RNF169: variants seen among roughly 807,000 people sequenced by gnomAD.
The protein encoded by RNF169 is ring finger protein 169.
Under a neutral mutation model 53.9 loss-of-function variants are expected in RNF169, and 24 were observed. The observed-to-expected ratio is 0.45, with a 90% CI of 0.32 to 0.63. The LOEUF is 0.63. RNF169 is among the 20% of genes least tolerant of loss of function. The pLI is 0.04. For missense variants in RNF169, 883 were observed against 906.2 expected, an observed-to-expected ratio of 0.97 and a Z score of 0.33; for synonymous variants, 396 against 363.5, an observed-to-expected ratio of 1.09 and a Z score of -1.02.
At chr11:74,753,197 A>G (rs1346103453) in intron 1 of RNF169, among the ~76,000 whole-genome samples, 2 of 152,058 alleles carry the variant, frequency 1.3e-5, no homozygotes, top group African/African-American at 4.8e-5. Flanking sequence ...CAAACTCCTG[A>G]TCTCAGGTGA....
In RNF169 at chr11:74,837,765, A is replaced by G. The variant is rs1167967054; in HGVS notation, c.*1035A>G. On this transcript the variant is annotated 3_prime_UTR_variant, in exon 6 of 6. Coordinates refer to ENST00000299563, the MANE Select transcript of RNF169 (RefSeq NM_001098638.2). ...GCAAGGAACAATACTTAAACTCCAT[A>G]CTATGGAAACAAGGTATCTAGCTGG... The G allele has an allele frequency of 1.3e-5, 2 of 152,222 alleles. No homozygotes were observed. Among genetic ancestry groups the G allele is most frequent in the African/African-American group, 2.4e-5 (1 of 41,456 alleles). The allele number at this position is 152,222 out of a possible 1,614,324, so 9.4% of individuals were successfully genotyped here. A position where few individuals can be genotyped will look rare whatever the true frequency, so the allele number is the denominator to read the frequency against.
intron 1 of RNF169, among the ~76,000 whole-genome samples, chr11:74,765,212 G>A (rs945049525): frequency 6.6e-6 from 1 of 152,142 alleles, no homozygotes; most frequent in Non-Finnish European, 1.5e-5. Context: ...CTGTCTCAAC[G>A]AATGGGGTTA....
chr11:74,810,726 AC>A (rs368813557), intron 3 of RNF169, among the ~76,000 whole-genome samples: 5 of 152,176 alleles, frequency 3.3e-5, no homozygotes, highest in African/African-American at 1.2e-4. Flanking sequence ...TTGTTGTAAT[AC>A]CCTAAGCAGC....
At chr11:74,761,804 G>C (rs1356612828) in intron 1 of RNF169, among the ~76,000 whole-genome samples, 1 of 146,646 alleles carries the variant, frequency 6.8e-6, no homozygotes, top group East Asian at 2.1e-4. Context: ...TTCTCGAGGA[G>C]TATCTTTGTG....
rs1177551248 is a variant in RNF169 at position 74,837,348 on chromosome 11, G to T, written c.*618G>T. ...CCTTATTAATTTAGTCTTTCCAAGA[G>T]ACCTCTCATGTAACTGGCATTAGCC... On this transcript the variant is annotated 3_prime_UTR_variant, in exon 6 of 6. Coordinates refer to ENST00000299563, the MANE Select transcript of RNF169 (RefSeq NM_001098638.2). The T allele has an allele frequency of 6.6e-6, 1 of 152,224 alleles. No individual in the cohort carries two copies. The highest frequency in any genetic ancestry group is 6.5e-5 in the Admixed American group (1 of 15,276). The allele number at this position is 152,224 out of a possible 1,614,324, so 9.4% of individuals were successfully genotyped here.
chr11:74,806,753 G>A lies in RNF169; in HGVS notation c.577-3431G>A, dbSNP rs909221730. On this transcript the variant is annotated intron_variant, in intron 2 of 5. Transcript: ENST00000299563. ...GAAATAGGTAAAATGATTTTTTTTGGTGTTAGAAGCCAGGATCATGGTTTC... is the reference window on the plus strand; with the variant it reads ...GAAATAGGTAAAATGATTTTTTTTGATGTTAGAAGCCAGGATCATGGTTTC... Among the ~76,000 whole-genome samples the A allele has an allele frequency of 4.2e-4, 64 of 151,422 alleles. 2 individuals carry two copies. The highest frequency in any genetic ancestry group is 1.2e-4 in the Non-Finnish European group (8 of 67,944).
At chr11:74,800,219 G>A (rs1482025431) in intron 2 of RNF169, among the ~76,000 whole-genome samples, 5 of 151,974 alleles carry the variant, frequency 3.3e-5, no homozygotes, top group Admixed American at 6.6e-5. Context: ...TCTGCTTTCA[G>A]TGATGATTGT....
chr11:74,836,060 G>A lies in RNF169; in HGVS notation c.1457G>A (p.Gly486Asp). ...PLVAVNTRLSGGQVLSEYTGP... is the reference protein window; with the variant it reads ...PLVAVNTRLSDGQVLSEYTGP... ...GTGGCTGTAAATACAAGATTATCTG[G>A]TGGGCAGGTCCTCTCTGAGTATACT... The change falls in exon 6 of 6, where the codon GGT becomes GAT. Residue 486 changes from glycine (G) to aspartate (D), a missense_variant. Coordinates refer to ENST00000299563, the MANE Select transcript of RNF169 (RefSeq NM_001098638.2). The A allele has an allele frequency of 6.2e-7, 1 of 1,614,178 alleles. No homozygotes were observed. The highest frequency in any genetic ancestry group is 8.5e-7 in the Non-Finnish European group (1 of 1,180,044).
chr11:74,819,068 G>GTTT (rs796433705), intron 4 of RNF169, among the ~76,000 whole-genome samples: 1 of 141,546 alleles, frequency 7.1e-6, no homozygotes, highest in Admixed American at 7.0e-5. Context: ...CTTCTTTCCA[G>GTTT]TTTTTTTTTT....
At position 74,839,157 on chromosome 11, in the gene RNF169, C is replaced by T. The variant is rs1320160827; in HGVS notation, c.*2427C>T. ...CCAAACTCTAGGTCCAGCTTACTGC[C>T]TTCCCCCCTTGTACCTACAGTGATG... On this transcript the variant is annotated 3_prime_UTR_variant, in exon 6 of 6. Coordinates refer to ENST00000299563, the MANE Select transcript of RNF169 (RefSeq NM_001098638.2). The T allele has an allele frequency of 6.6e-6, 1 of 152,178 alleles. No individual in the cohort carries two copies. Among genetic ancestry groups the T allele is most frequent in the Non-Finnish European group, 1.5e-5 (1 of 68,034 alleles). The allele number at this position is 152,178 out of a possible 1,614,324, so 9.4% of individuals were successfully genotyped here. A position where few individuals can be genotyped will look rare whatever the true frequency, so the allele number is the denominator to read the frequency against.
At chr11:74,824,844 A>G (rs2036069903) in intron 4 of RNF169, among the ~76,000 whole-genome samples, 1 of 152,258 alleles carries the variant, frequency 6.6e-6, no homozygotes, top group African/African-American at 2.4e-5. Flanking sequence ...AGACCTAGAA[A>G]ATAGCAGAAG....
chr11:74,762,439 C>A (rs970195653), intron 1 of RNF169, among the ~76,000 whole-genome samples: 2 of 152,164 alleles, frequency 1.3e-5, no homozygotes, highest in African/African-American at 4.8e-5. Context: ...GTGGTTTTAT[C>A]TACTTTTGGT....
In RNF169 at chr11:74,749,235, C is replaced by T; in HGVS notation, c.355C>T (p.Arg119Cys). 2 of 1,079,742 alleles carry T rather than the reference C, an allele frequency of 1.9e-6. No homozygotes were observed. Among genetic ancestry groups the T allele is most frequent in the Non-Finnish European group, 2.2e-6 (2 of 893,042 alleles). 66.9% of individuals were successfully genotyped at this position (1,079,742 alleles called of 1,614,324 possible). A position where few individuals can be genotyped will look rare whatever the true frequency, so the allele number is the denominator to read the frequency against. ...CCCAGGCTGGGCCCGCCGTCGGGCCCGCGACGACGGCCAGGCCGACTCAGA... is the reference window on the plus strand; with the variant it reads ...CCCAGGCTGGGCCCGCCGTCGGGCCTGCGACGACGGCCAGGCCGACTCAGA... The part of the protein sequence containing the change: ...RGPGWARRRA[R>C]DDGQADSEVL... The change falls in exon 1 of 6, where the codon CGC becomes TGC. Residue 119 changes from arginine to cysteine, a missense_variant. Around this residue, in one of 3 missense-constraint regions of RNF169, gnomAD observed 313 missense variants for 279.9 expected, o/e 1.12. Transcript: ENST00000299563.
chr11:74,835,953 C>T lies in RNF169; in HGVS notation c.1350C>T (p.Ala450=). The change falls in exon 6 of 6, where the codon GCC becomes GCT. Residue 450 remains alanine, a synonymous_variant. Coordinates refer to ENST00000299563, the MANE Select transcript of RNF169 (RefSeq NM_001098638.2). ...ERQIKKTLSK[A]TLTSLAPEMG... ...AGATCAAAAAGACCCTTTCAAAAGC[C>T]ACTCTTACCTCTCTGGCTCCTGAAA... The T allele has an allele frequency of 5.0e-6, 8 of 1,614,168 alleles. No homozygotes were observed. Among genetic ancestry groups the T allele is most frequent in the Non-Finnish European group, 6.8e-6 (8 of 1,180,036 alleles).
intron 3 of RNF169, among the ~76,000 whole-genome samples, chr11:74,813,833 GGCACGTGCCACCAC>G (rs1039609912): frequency 2.0e-5 from 3 of 152,116 alleles, no homozygotes; most frequent in Non-Finnish European, 4.4e-5. Context: ...TGGGACTACA[GGCACGTGCCACCAC>G]GCCCAGTTAA....
intron 2 of RNF169, 25 bp from the exon 3 acceptor site, chr11:74,810,159 G>A (rs761810011): frequency 6.3e-7 from 1 of 1,594,124 alleles, no homozygotes; most frequent in Non-Finnish European, 8.5e-7. Context: ...TAAAACTACT[G>A]TGTTTGCATA....
Position 74,836,895 on chromosome 11 carries a change from C to G in RNF169, c.*165C>G, listed in dbSNP as rs1250663049. ...TAGTCAATATCCAAGGGAAAAGCATCTCCGTTTCTCTGTGACCCAGGCCAG... is the reference window on the plus strand; with the variant it reads ...TAGTCAATATCCAAGGGAAAAGCATGTCCGTTTCTCTGTGACCCAGGCCAG... On this transcript the variant is annotated 3_prime_UTR_variant, in exon 6 of 6. Coordinates refer to ENST00000299563, the MANE Select transcript of RNF169 (RefSeq NM_001098638.2). 3.3e-6 allele frequency: 2 copies of G among 604,188 alleles called. No homozygotes were observed. Among genetic ancestry groups the G allele is most frequent in the East Asian group, 2.9e-5 (1 of 34,048 alleles). The allele number at this position is 604,188 out of a possible 1,614,324, so 37.4% of individuals were successfully genotyped here.
chr11:74,823,738 G>GAAAAAAAAAAAAAAAAAAAAAAAAA (rs35164191), intron 4 of RNF169, among the ~76,000 whole-genome samples: 1 of 105,774 alleles, frequency 9.5e-6, no homozygotes. Flanking sequence ...CCCTGTCTCA[G>GAAAAAAAAAAAAAAAAAAAAAAAAA]AAAAAAAAAA....
chr11:74,750,117 G>A (rs12290339), intron 1 of RNF169, among the ~76,000 whole-genome samples: 5,460 of 151,840 alleles, frequency 0.036, 91 homozygotes, highest in Middle Eastern at 0.051. Flanking sequence ...TGGCTTGCTG[G>A]CAATTAAAAG....
Sources: gnomAD v4.1 joint callset for allele counts (sites outside exome capture counted in the v4.1 genomes callset) on GRCh38, gnomAD v4.1.1 for gene constraint, gnomAD v4.1.1 regional missense constraint, MANE v1.5 for transcripts, NCBI Gene and HGNC (gene_info 2026-07-23, HGNC 2026-07-21) for gene names.